COL23A1: variants seen among roughly 807,000 people sequenced by gnomAD.
COL23A1 encodes collagen alpha-1(XXIII) chain.
A neutral mutation model predicts 99.3 loss-of-function variants in COL23A1; 97 were observed. The observed-to-expected ratio is 0.98, with a 90% CI of 0.83 to 1.16. The LOEUF (loss-of-function observed/expected upper bound fraction) is 1.16. COL23A1 is among the 50% of genes most tolerant of loss of function. The probability of loss-of-function intolerance (pLI) is 0.00; values close to 1 mark genes in which losing one functional copy is unlikely to be tolerated. For synonymous variants in COL23A1, 320 were observed against 308.2 expected (o/e 1.04, Z -0.40); for missense variants, 762 against 757.4 (o/e 1.01, Z -0.07).
chr5:178,508,639 G>A (rs1292865594), intron 2 of COL23A1, among the ~76,000 whole-genome samples: 1 of 152,140 alleles, frequency 6.6e-6, no homozygotes, highest in East Asian at 1.9e-4. Context: ...GAGTTCCCGG[G>A]AGTTCTATCT....
intron 13 of COL23A1, 145 bp downstream of exon 13, chr5:178,257,378 G>T: frequency 1.1e-6 from 1 of 911,260 alleles, no homozygotes; most frequent in Non-Finnish European, 1.7e-6. Context: ...TGGGGCCGCG[G>T]CCTTCCTCTG....
At chr5:178,517,618 G>GC (rs1759611821) in intron 2 of COL23A1, among the ~76,000 whole-genome samples, 3 of 132,056 alleles carry the variant, frequency 2.3e-5, no homozygotes, top group Non-Finnish European at 4.6e-5. Flanking sequence ...CTGGAATGCA[G>GC]TGGCATGATC....
chr5:178,346,198 T>A (rs1760959747), intron 2 of COL23A1, among the ~76,000 whole-genome samples: 1 of 152,108 alleles, frequency 6.6e-6, no homozygotes, highest in African/African-American at 2.4e-5. Flanking sequence ...AAATTGATCT[T>A]TTTATTTATT....
In COL23A1 at chr5:178,309,819, C is replaced by T. The variant is rs1013927916; in HGVS notation, c.362-2900G>A. Among the ~76,000 whole-genome samples, 1 of 152,078 alleles carries T rather than the reference C, an allele frequency of 6.6e-6. No homozygotes were observed. Among genetic ancestry groups the T allele is most frequent in the Non-Finnish European group, 1.5e-5 (1 of 68,016 alleles). ...ACTCTGCCACTCGCTCTGCTGTGCT[C>T]GATTCTCCCTCCTGGCACAAAGGAC... On this transcript the variant is annotated intron_variant, in intron 2 of 28. Coordinates refer to ENST00000390654, the MANE Select transcript of COL23A1 (RefSeq NM_173465.4). This position sits in a 1 kb window ranked among gnomAD's most constrained non-coding sequence, Gnocchi z 4.7.
chr5:178,491,084 A>G (rs1396666965), intron 2 of COL23A1, among the ~76,000 whole-genome samples: 3 of 151,548 alleles, frequency 2.0e-5, no homozygotes, highest in Admixed American at 6.6e-5. Flanking sequence ...GAAGGAGAAG[A>G]GAGAAGAGAG....
chr5:178,273,200 G>A (rs1057048272), intron 5 of COL23A1, among the ~76,000 whole-genome samples: 9 of 152,234 alleles, frequency 5.9e-5, no homozygotes, highest in African/African-American at 2.2e-4. Context: ...CCCGTGGAAG[G>A]GAGCCCAGGC....
rs953953195 is a variant in COL23A1 at position 178,387,075 on chromosome 5, T to C, written c.362-80156A>G. Reference sequence around the variant, plus strand: ...CCTGCTGTCCGACTTCCTGGCACTCTGCACCCCCACCTTATTTCTCTCCCA... The same window carrying C: ...CCTGCTGTCCGACTTCCTGGCACTCCGCACCCCCACCTTATTTCTCTCCCA... On this transcript the variant is annotated intron_variant, in intron 2 of 28. Coordinates refer to ENST00000390654, the MANE Select transcript of COL23A1 (RefSeq NM_173465.4). This position sits in a 1 kb window ranked among gnomAD's most constrained non-coding sequence, Gnocchi z 4.7. 6.6e-6 allele frequency among the ~76,000 whole-genome samples: 1 copy of C among 152,128 alleles called. No homozygotes were observed. Among genetic ancestry groups the C allele is most frequent in the East Asian group, 1.9e-4 (1 of 5,178 alleles).
chr5:178,512,785 C>T (rs1759283268), intron 2 of COL23A1, among the ~76,000 whole-genome samples: 1 of 152,176 alleles, frequency 6.6e-6, no homozygotes, highest in Non-Finnish European at 1.5e-5. Flanking sequence ...GTCAGGACAA[C>T]AGAGCACTCA....
chr5:178,247,808 C>T lies in COL23A1; in HGVS notation c.1236G>A (p.Gly412=). 2 of 1,613,160 alleles carry T rather than the reference C, an allele frequency of 1.2e-6. No individual in the cohort carries two copies. Among genetic ancestry groups the T allele is most frequent in the Non-Finnish European group, 1.7e-6 (2 of 1,179,534 alleles). The change falls in exon 21 of 29, where the codon GGG becomes GGA. Residue 412 remains glycine (G), a synonymous_variant. Coordinates refer to ENST00000390654, the MANE Select transcript of COL23A1 (RefSeq NM_173465.4). The stretch of plus-strand genomic sequence containing the variant: ...CTGGGGGGCCAGGGGGGCCAGGGGG[C>T]CCTGGCTCCACTATGAGCTGAGCCT... ...ESLAQLIVEP[G]PPGPPGPPGP...
chr5:178,503,675 T>G (rs888440007), intron 2 of COL23A1, among the ~76,000 whole-genome samples: 10 of 152,080 alleles, frequency 6.6e-5, no homozygotes, highest in African/African-American at 1.4e-4. Context: ...GAGAGAGAGA[T>G]AAATAATTTT....
In COL23A1 at chr5:178,589,532, C is replaced by T. The variant is rs940550412; in HGVS notation, c.294+372G>A. Reference sequence around the variant, plus strand: ...TGCTACTGGTCACAGTCACCAGATACTTCCCACGAGCCTCATCTTTATCCC... The same window carrying T: ...TGCTACTGGTCACAGTCACCAGATATTTCCCACGAGCCTCATCTTTATCCC... On this transcript the variant is annotated intron_variant, in intron 1 of 28. Coordinates refer to ENST00000390654, the MANE Select transcript of COL23A1 (RefSeq NM_173465.4). The surrounding 1 kb of genome is among the most constrained non-coding windows in gnomAD (Gnocchi z 5.4). Among the ~76,000 whole-genome samples the T allele has an allele frequency of 9.9e-5, 15 of 152,216 alleles. No homozygotes were observed. Among genetic ancestry groups the T allele is most frequent in the African/African-American group, 3.6e-4 (15 of 41,458 alleles).
intron 2 of COL23A1, among the ~76,000 whole-genome samples, chr5:178,457,099 T>C (rs1561988538): frequency 6.6e-6 from 1 of 152,212 alleles, no homozygotes; most frequent in Non-Finnish European, 1.5e-5. Context: ...GCCACGTGTC[T>C]GAGGCACTTA....
rs1765272464 is a variant in COL23A1, at chr5:178,415,780, CG to C, written c.362-108862del. 6.6e-6 allele frequency among the ~76,000 whole-genome samples: 1 copy of C among 152,050 alleles called. No individual in the cohort carries two copies. Among genetic ancestry groups the C allele is most frequent in the Non-Finnish European group, 1.5e-5 (1 of 68,014 alleles). The stretch of plus-strand genomic sequence containing the variant: ...TGCCCACAGAGAGCTCCCAGCCTAG[CG>C]GGAGGTAGACAGGCAAACAAGAAAG... On this transcript the variant is annotated intron_variant, in intron 2 of 28. Coordinates refer to ENST00000390654, the MANE Select transcript of COL23A1 (RefSeq NM_173465.4). This position sits in a 1 kb window ranked among gnomAD's most constrained non-coding sequence, Gnocchi z 4.6.
At chr5:178,252,160 C>T (rs1336182010) in intron 17 of COL23A1, among the ~76,000 whole-genome samples, 1 of 152,194 alleles carries the variant, frequency 6.6e-6, no homozygotes, top group Non-Finnish European at 1.5e-5. Flanking sequence ...GGTGATCCAC[C>T]TGCCTCGGCC....
At chr5:178,258,262 T>TATATATATATATATATATACATACACAC in intron 12 of COL23A1, among the ~76,000 whole-genome samples, 1 of 104,066 alleles carries the variant, frequency 9.6e-6, no homozygotes, top group Non-Finnish European at 2.2e-5. Context: ...TATATATATA[T>TATATATATATATATATATACATACACAC]ACACATGCAA....
At chr5:178,269,234 T>C (rs1756083518) in intron 6 of COL23A1, among the ~76,000 whole-genome samples, 1 of 152,186 alleles carries the variant, frequency 6.6e-6, no homozygotes, top group African/African-American at 2.4e-5. Context: ...TTCTCTTCTT[T>C]AATGGTAGCA....
chr5:178,254,932 C>G lies in COL23A1; in HGVS notation c.960+17G>C. The G allele has an allele frequency of 6.3e-7, 1 of 1,595,004 alleles. No homozygotes were observed. The highest frequency in any genetic ancestry group is 8.6e-7 in the Non-Finnish European group (1 of 1,165,104). ...AATCGTATCTAAGGCACATCCTGGT[C>G]CCACCAGGAACACTACCTTGAGGGC... On this transcript the variant is annotated intron_variant, in intron 16 of 28. Coordinates refer to ENST00000390654, the MANE Select transcript of COL23A1 (RefSeq NM_173465.4).
At chr5:178,547,676 C>T (rs1200350729) in intron 2 of COL23A1, among the ~76,000 whole-genome samples, 21 of 30,894 alleles carry the variant, frequency 6.8e-4, no homozygotes, top group African/African-American at 2.9e-3. Flanking sequence ...CCCCACACAC[C>T]CACCCCCCAC....
intron 2 of COL23A1, among the ~76,000 whole-genome samples, chr5:178,316,409 T>C (rs981415975): frequency 5.3e-5 from 8 of 152,222 alleles, no homozygotes; most frequent in African/African-American, 1.9e-4. Context: ...ATTTATGATA[T>C]ACAGAGTTTT....
Sources: allele counts gnomAD v4.1 joint callset (sites outside exome capture counted in the v4.1 genomes callset), GRCh38; gene constraint gnomAD v4.1.1; non-coding constraint Gnocchi (gnomAD v3.1); transcripts MANE v1.5; gene names NCBI Gene and HGNC (gene_info 2026-07-23, HGNC 2026-07-21).